Variants in CPNE7 observed in about 807,000 individuals in gnomAD.
CPNE7 encodes copine 7, also known as copine-7.
CPNE7 carries 78 observed loss-of-function variants against 66.5 expected under a neutral mutation model. The ratio of observed to expected loss-of-function variants is 1.17; its 90% CI spans 0.98 to 1.42. The LOEUF is 1.42. CPNE7 is among the 40% of genes most tolerant of loss of function. The pLI is 0.00. For synonymous variants in CPNE7, 468 were observed against 336.7 expected (o/e 1.39, Z -4.27); for missense variants, 1,012 against 776.6 (o/e 1.30, Z -3.60).
Position 89,592,240 on chromosome 16 carries a change from T to G in CPNE7, c.1302+980T>G, listed in dbSNP as rs569667304. ...CGTGTTAGCGAGGATGGTCTCGATC[T>G]CCTGACCTCGTGATCCACCCGCCTC... On this transcript the variant is annotated intron_variant, in intron 13 of 14. Coordinates refer to ENST00000319518, the MANE Select transcript of CPNE7 (RefSeq NM_153636.3). Among the ~76,000 whole-genome samples, 251 of 149,916 alleles carry G rather than the reference T, an allele frequency of 1.7e-3. 2 individuals are homozygous for G. Among genetic ancestry groups the G allele is most frequent in the Non-Finnish European group, 2.8e-3 (189 of 67,586 alleles).
Position 89,591,006 on chromosome 16 carries a change from G to A in CPNE7, c.1117-1G>A. On this transcript the variant is annotated splice_acceptor_variant, in intron 11 of 14. Transcript: ENST00000319518. LOFTEE classifies it high-confidence loss of function. The stretch of plus-strand genomic sequence containing the variant: ...GACTGAGCCCTCTTGTTCCCACCCA[G>A]GTGTCCCATGACTTTGCCATCAATT... 1 of 1,613,704 alleles carries A rather than the reference G, an allele frequency of 6.2e-7. No individual in the cohort carries two copies. Among genetic ancestry groups the A allele is most frequent in the Non-Finnish European group, 8.5e-7 (1 of 1,179,860 alleles).
In CPNE7 at chr16:89,584,879, C is replaced by T. The variant is rs773149702; in HGVS notation, c.591+22C>T. 1.2e-6 allele frequency: 2 copies of T among 1,604,764 alleles called. No homozygotes were observed. Among genetic ancestry groups the T allele is most frequent in the South Asian group, 1.1e-5 (1 of 90,802 alleles). On this transcript the variant is annotated intron_variant, in intron 5 of 14. Coordinates refer to ENST00000319518, the MANE Select transcript of CPNE7 (RefSeq NM_153636.3). This position sits in a 1 kb window ranked among gnomAD's most constrained non-coding sequence, Gnocchi z 6.0. Reference sequence around the variant, plus strand: ...GGAGGTGAGCGGCCGGGGATGGGAACACAGGGAGGGGAAGGGGCTGTCCCC... The same window carrying T: ...GGAGGTGAGCGGCCGGGGATGGGAATACAGGGAGGGGAAGGGGCTGTCCCC...
intron 10 of CPNE7, among the ~76,000 whole-genome samples, chr16:89,589,493 A>G (rs752444441): frequency 6.6e-6 from 1 of 152,062 alleles, no homozygotes; most frequent in African/African-American, 2.4e-5. Flanking sequence ...TTCTTACCAC[A>G]ACACAGACCC....
At chr16:89,582,193 G>A (rs890051211) in intron 2 of CPNE7, among the ~76,000 whole-genome samples, 2 of 152,232 alleles carry the variant, frequency 1.3e-5, no homozygotes, top group Non-Finnish European at 2.9e-5. Flanking sequence ...GAAGCTACTG[G>A]CATCCAGTCC....
In CPNE7 at chr16:89,595,516, C is replaced by T. The variant is rs763774161; in HGVS notation, c.1452C>T (p.Asp484=). 8.8e-5 allele frequency: 142 copies of T among 1,612,482 alleles called. No homozygotes were observed. In the East Asian group the frequency reaches 1.2e-3, roughly 14 times the overall value. Residue 484 remains aspartate (D), a synonymous_variant, in exon 14 of 15, where the codon GAC becomes GAT. Coordinates refer to ENST00000319518, the MANE Select transcript of CPNE7 (RefSeq NM_153636.3). ...NADFTDMQVL[D]GDDGVLRSPR... is the part of the protein sequence containing the mutation. ...ACTTCACCGACATGCAGGTCCTGGA[C>T]GGCGACGACGGCGTCCTGCGCTCCC... is the stretch of plus-strand genomic sequence containing the variant.
chr16:89,588,548 A>C, intron 9 of CPNE7, 127 bp from the exon 10 acceptor site: 1 of 1,175,274 alleles, frequency 8.5e-7, no homozygotes, highest in East Asian at 2.4e-5. Context: ...GCAGCCCCCC[A>C]GCCCTACCCA....
chr16:89,576,627 T>G (rs1243427569), intron 1 of CPNE7, among the ~76,000 whole-genome samples: 2 of 152,166 alleles, frequency 1.3e-5, no homozygotes, highest in Non-Finnish European at 2.9e-5. Flanking sequence ...TCGGTCACCA[T>G]CTCGCGTGAA....
intron 2 of CPNE7, among the ~76,000 whole-genome samples, chr16:89,580,361 C>G (rs376887838): frequency 1.6e-5 from 2 of 122,050 alleles, no homozygotes; most frequent in Admixed American, 8.5e-5. Context: ...ACCCGTCACA[C>G]GGAACATCCC....
rs148081727 is a variant in CPNE7, at chr16:89,596,618, G to C, written c.1674G>C (p.Pro558=). The C allele has an allele frequency of 6.3e-7, 1 of 1,599,152 alleles. No homozygotes were observed. The highest frequency in any genetic ancestry group is 1.1e-5 in the South Asian group (1 of 90,466). ...GAGAGGCCAGCCCAGGCTGCACACC[G>C]TGAAGATGTGGAGGGCGTAGGGTGG... The part of the protein sequence containing the change: ...PAGEASPGCT[P] Residue 558 remains proline (P), a synonymous_variant, in exon 15 of 15, where the codon CCG becomes CCC. Coordinates refer to ENST00000319518, the MANE Select transcript of CPNE7 (RefSeq NM_153636.3).
chr16:89,587,207 G>GC lies in CPNE7; in HGVS notation c.927+109dup, dbSNP rs1479610047. The GC allele has an allele frequency of 3.3e-5, 14 of 419,506 alleles. 1 individual carries two copies. The East Asian group carries it at 4.0e-4, about 12-fold the overall frequency. 26.0% of individuals were successfully genotyped at this position (419,506 alleles called of 1,614,324 possible). ...CCCCTCCCCGCCCCCTCAGTCTGTG[G>GC]CCCCGCCCATCCCCGCCCCCTCAGT... is the stretch of plus-strand genomic sequence containing the variant. On this transcript the variant is annotated intron_variant, in intron 9 of 14. Transcript: ENST00000319518.
intron 13 of CPNE7, among the ~76,000 whole-genome samples, chr16:89,592,009 T>A (rs1488302865): frequency 7.4e-6 from 1 of 135,920 alleles, no homozygotes; most frequent in Admixed American, 7.1e-5. Flanking sequence ...TTCTTTTTTT[T>A]GTTGTTTTTT....
At position 89,584,115 on chromosome 16, in the gene CPNE7, G is replaced by T. The variant is rs2058998724; in HGVS notation, c.507+13G>T. 4.4e-6 allele frequency: 7 copies of T among 1,605,348 alleles called. No individual in the cohort carries two copies. In the South Asian group the frequency reaches 7.7e-5, roughly 18 times the overall value. ...GCTGGACGACAAGGTGAGTGCAGGT[G>T]CCGGGCACGCCTGGCTCAGGCTGAG... On this transcript the variant is annotated intron_variant, in intron 4 of 14. Coordinates refer to ENST00000319518, the MANE Select transcript of CPNE7 (RefSeq NM_153636.3). This position sits in a 1 kb window ranked among gnomAD's most constrained non-coding sequence, Gnocchi z 6.0.
At chr16:89,588,239 A>AGCCACAGATACACGG (rs2059114012) in intron 9 of CPNE7, among the ~76,000 whole-genome samples, 1 of 151,324 alleles carries the variant, frequency 6.6e-6, no homozygotes, top group Non-Finnish European at 1.5e-5. Context: ...CCCCCGTGTC[A>AGCCACAGATACACGG]CCCGCGTGTT....
chr16:89,593,260 A>C (rs2151460132), intron 13 of CPNE7, among the ~76,000 whole-genome samples: 1 of 152,260 alleles, frequency 6.6e-6, no homozygotes, highest in Non-Finnish European at 1.5e-5. Context: ...TAGTATCGTG[A>C]TAAAGACTTT....
chr16:89,582,418 C>T (rs1463356413), intron 2 of CPNE7, among the ~76,000 whole-genome samples: 1 of 152,252 alleles, frequency 6.6e-6, no homozygotes, highest in Admixed American at 6.5e-5. Flanking sequence ...AGGACCTGCT[C>T]TCCTGCCAGA....
rs1334547922 is a variant in CPNE7 at position 89,588,191 on chromosome 16, G to GCCCCCGTGTCACCCACAGATACACGGC, written c.928-470_928-469insACAGATACACGGCCCCCCGTGTCACCC. Among the ~76,000 whole-genome samples the GCCCCCGTGTCACCCACAGATACACGGC allele has an allele frequency of 8.7e-5, 2 of 22,864 alleles. 1 individual carries two copies. The highest frequency in any genetic ancestry group is 2.2e-3 in the South Asian group (2 of 908). The allele number at this position is 22,864 out of a possible 152,430, so 15.0% of individuals were successfully genotyped here. On this transcript the variant is annotated intron_variant, in intron 9 of 14. Coordinates refer to ENST00000319518, the MANE Select transcript of CPNE7 (RefSeq NM_153636.3). ...CCCGCGTGTCACCCACAGATACACGGCCCCCGTGTCACCCGCGTGTCACCC... is the reference window on the plus strand; with the variant it reads ...CCCGCGTGTCACCCACAGATACACGGCCCCCGTGTCACCCACAGATACACGGCCCCCCGTGTCACCCGCGTGTCACCC...
chr16:89,593,385 G>T lies in CPNE7; in HGVS notation c.1303-1982G>T, dbSNP rs548933232. Reference sequence around the variant, plus strand: ...TTTTTTTTTTTTGAGATGGAGTCTCGCTCTTCACCCAGGCTGGAGTGCAGT... The same window carrying T: ...TTTTTTTTTTTTGAGATGGAGTCTCTCTCTTCACCCAGGCTGGAGTGCAGT... On this transcript the variant is annotated intron_variant, in intron 13 of 14. Transcript: ENST00000319518. Among the ~76,000 whole-genome samples the T allele has an allele frequency of 5.4e-5, 8 of 148,698 alleles. 1 individual carries two copies. Among genetic ancestry groups the T allele is most frequent in the South Asian group, 4.3e-4 (2 of 4,674 alleles).
intron 13 of CPNE7, among the ~76,000 whole-genome samples, chr16:89,592,029 A>C (rs2059180232): frequency 7.5e-6 from 1 of 132,484 alleles, no homozygotes; most frequent in African/African-American, 3.0e-5. Context: ...TTTTTTTGAG[A>C]CGGAGTCTCG....
chr16:89,589,939 T>TC lies in CPNE7; in HGVS notation c.1107dup (p.Lys370GlnfsTer3). 1 of 1,613,596 alleles carries TC rather than the reference T, an allele frequency of 6.2e-7. No homozygotes were observed. Among genetic ancestry groups the TC allele is most frequent in the Non-Finnish European group, 8.5e-7 (1 of 1,179,946 alleles). ...CTTTGGGGTTTGGAGCCCGGATCCC[T>TC]CCCAAGTATGAGGTAGGAGAGCCCA... On this transcript the variant is annotated frameshift_variant, in exon 11 of 15. Coordinates refer to ENST00000319518, the MANE Select transcript of CPNE7 (RefSeq NM_153636.3). LOFTEE classifies it high-confidence loss of function.
Sources: gnomAD v4.1 joint callset for allele counts (sites outside exome capture counted in the v4.1 genomes callset) on GRCh38, gnomAD v4.1.1 for gene constraint, Gnocchi (gnomAD v3.1) non-coding constraint, MANE v1.5 for transcripts, NCBI Gene and HGNC (gene_info 2026-07-23, HGNC 2026-07-21) for gene names.